The following UNC5C variants were observed in gnomAD, a reference collection of about 807,000 sequenced individuals.
UNC5C encodes netrin receptor UNC5C.
UNC5C carries 47 observed loss-of-function variants against 99.8 expected under a neutral mutation model. The observed-to-expected ratio is 0.47, with a 90% CI of 0.37 to 0.60. The LOEUF is 0.60. Among genes scored for constraint, UNC5C ranks in the 20% least tolerant of loss-of-function variants. UNC5C has a pLI of 0.00. For synonymous variants in UNC5C, 487 were observed against 452.2 expected, an observed-to-expected ratio of 1.08 and a Z score of -0.98; for missense variants, 1,062 against 1,165.9, an observed-to-expected ratio of 0.91 and a Z score of 1.30.
chr4:95,434,494 G>A lies in UNC5C; in HGVS notation c.125-98863C>T, dbSNP rs1746720024. ...AGGAAAAGACGGACTTGCCATTGAA[G>A]GTGGCCTCCAAGCTGAGGCTTGGAA... On this transcript the variant is annotated intron_variant, in intron 1 of 15. Coordinates refer to ENST00000453304, the MANE Select transcript of UNC5C (RefSeq NM_003728.4). Among the ~76,000 whole-genome samples the A allele has an allele frequency of 2.0e-5, 3 of 152,136 alleles. No individual in the cohort carries two copies. The South Asian group carries it at 6.2e-4, about 32-fold the overall frequency.
Position 95,245,038 on chromosome 4 carries a change from A to G in UNC5C, c.882T>C (p.Asn294=), listed in dbSNP as rs752459042. ...TCTGCCCTTCACAGAAGGCACCCCC[A>G]TTGAGTGGTGCCGGGTTGGTACAAG... ...TRTCTNPAPL[N]GGAFCEGQSV... Residue 294 remains asparagine, a synonymous_variant, in exon 6 of 16, where the codon AAT becomes AAC. Coordinates refer to ENST00000453304, the MANE Select transcript of UNC5C (RefSeq NM_003728.4). 6.2e-7 allele frequency: 1 copy of G among 1,613,978 alleles called. No homozygotes were observed. The highest frequency in any genetic ancestry group is 8.5e-7 in the Non-Finnish European group (1 of 1,179,970).
chr4:95,496,412 T>A (rs996092852), intron 1 of UNC5C, among the ~76,000 whole-genome samples: 7 of 151,842 alleles, frequency 4.6e-5, no homozygotes, highest in African/African-American at 1.7e-4. Flanking sequence ...TATAATGTAT[T>A]TTAAATATAT....
Position 95,245,014 on chromosome 4 carries a change from C to A in UNC5C, c.906G>T (p.Gln302His). The A allele has an allele frequency of 6.2e-7, 1 of 1,613,962 alleles. No homozygotes were observed. The highest frequency in any genetic ancestry group is 1.1e-5 in the South Asian group (1 of 91,014). Residue 302 changes from glutamine (Q) to histidine (H), a missense_variant, in exon 6 of 16, where the codon CAG (glutamine) becomes CAT (histidine). Gln to His is a conservative substitution (Grantham distance 24). Around this residue, in one of 3 missense-constraint regions of UNC5C, gnomAD observed 810 missense variants for 854.5 expected, o/e 0.95. Coordinates refer to ENST00000453304, the MANE Select transcript of UNC5C (RefSeq NM_003728.4). ...TAGTACAGGCTATTTTCTGCACACTCTGCCCTTCACAGAAGGCACCCCCAT... is the reference window on the plus strand; with the variant it reads ...TAGTACAGGCTATTTTCTGCACACTATGCCCTTCACAGAAGGCACCCCCAT... ...PLNGGAFCEG[Q>H]SVQKIACTTL...
intron 7 of UNC5C, among the ~76,000 whole-genome samples, chr4:95,230,617 G>T (rs1738878202): frequency 6.6e-6 from 1 of 151,896 alleles, no homozygotes; most frequent in South Asian, 2.1e-4. Flanking sequence ...GTTAATTTTT[G>T]TATAAGGTGT....
intron 3 of UNC5C, among the ~76,000 whole-genome samples, chr4:95,291,725 C>A (rs1177049701): frequency 6.6e-6 from 1 of 152,092 alleles, no homozygotes; most frequent in Non-Finnish European, 1.5e-5. Flanking sequence ...GATAATACAA[C>A]TGTCAAGATT....
At chr4:95,264,708 A>G (rs1740376712) in intron 4 of UNC5C, among the ~76,000 whole-genome samples, 1 of 152,136 alleles carries the variant, frequency 6.6e-6, no homozygotes, top group Admixed American at 6.5e-5. Context: ...CCATTTAGCC[A>G]TGTCTGGATT....
At position 95,167,808 on chromosome 4, in the gene UNC5C, G is replaced by A. The variant is rs1040729746; in HGVS notation, c.*1426C>T. 6.6e-6 allele frequency: 1 copy of A among 152,160 alleles called. No individual in the cohort carries two copies. Among genetic ancestry groups the A allele is most frequent in the Non-Finnish European group, 1.5e-5 (1 of 68,032 alleles). 9.4% of individuals were successfully genotyped at this position (152,160 alleles called of 1,614,324 possible). On this transcript the variant is annotated 3_prime_UTR_variant, in exon 16 of 16. Coordinates refer to ENST00000453304, the MANE Select transcript of UNC5C (RefSeq NM_003728.4). ...ACATAGCCTGGGCAAAAGACCAGCT[G>A]ATGATTTTTAAATGATGATCCAGGT...
chr4:95,399,330 A>G (rs1032330503), intron 1 of UNC5C, among the ~76,000 whole-genome samples: 2 of 152,146 alleles, frequency 1.3e-5, no homozygotes, highest in Non-Finnish European at 2.9e-5. Flanking sequence ...ACTGTCAACA[A>G]CTCCACAAAA....
chr4:95,288,950 TG>T (rs1741342109), intron 3 of UNC5C, among the ~76,000 whole-genome samples: 1 of 152,324 alleles, frequency 6.6e-6, no homozygotes, highest in African/African-American at 2.4e-5. Context: ...CTGATGCCTT[TG>T]GGGGTCATTA....
rs1303620042 is a variant in UNC5C at position 95,403,232 on chromosome 4, T to C, written c.125-67601A>G. Among the ~76,000 whole-genome samples the C allele has an allele frequency of 3.3e-5, 5 of 152,218 alleles. No individual in the cohort carries two copies. The East Asian group carries it at 5.8e-4, about 18-fold the overall frequency. ...CCATGAAATAAGCCTCTGAGTATTA[T>C]TGAAATCCCAAAGGCAGAAACTGGA... On this transcript the variant is annotated intron_variant, in intron 1 of 15. Transcript: ENST00000453304.
At chr4:95,267,965 T>TTTTTTTG (rs1740510462) in intron 4 of UNC5C, among the ~76,000 whole-genome samples, 2 of 149,682 alleles carry the variant, frequency 1.3e-5, no homozygotes, top group Non-Finnish European at 3.0e-5. Context: ...TTTTTTTTTT[T>TTTTTTTG]TTGAGACGGA....
chr4:95,330,777 A>AG (rs1743081193), intron 2 of UNC5C, among the ~76,000 whole-genome samples: 2 of 152,076 alleles, frequency 1.3e-5, no homozygotes, highest in Admixed American at 1.3e-4. Flanking sequence ...CCAATTAATA[A>AG]TGGTATCTGT....
chr4:95,225,125 C>T lies in UNC5C; in HGVS notation c.1109-4949G>A, dbSNP rs550581845. ...AGGCTGGAGTGCAATGGCACGATCT[C>T]GGCTCACTGCAACCTCCGCCTCCCG... On this transcript the variant is annotated intron_variant, in intron 7 of 15. Transcript: ENST00000453304. 1.1e-4 allele frequency among the ~76,000 whole-genome samples: 17 copies of T among 152,222 alleles called. 1 individual carries two copies. In the East Asian group the frequency reaches 2.9e-3, roughly 26 times the overall value.
chr4:95,491,838 A>C (rs1347131575), intron 1 of UNC5C, among the ~76,000 whole-genome samples: 1 of 151,598 alleles, frequency 6.6e-6, no homozygotes, highest in East Asian at 1.9e-4. Flanking sequence ...TCAAACAGAA[A>C]ATTCCATTTA....
chr4:95,290,027 G>A (rs183456528), intron 3 of UNC5C, among the ~76,000 whole-genome samples: 4 of 152,208 alleles, frequency 2.6e-5, no homozygotes, highest in African/African-American at 7.2e-5. Flanking sequence ...ATTGAAGCTC[G>A]GTGCAGTGGC....
At chr4:95,197,752 A>G (rs1011645871) in intron 12 of UNC5C, among the ~76,000 whole-genome samples, 3 of 152,206 alleles carry the variant, frequency 2.0e-5, no homozygotes, top group Admixed American at 6.5e-5. Context: ...TTGAGAGTAT[A>G]ATAGACCCAA....
At chr4:95,489,867 T>G (rs942756172) in intron 1 of UNC5C, among the ~76,000 whole-genome samples, 1 of 151,646 alleles carries the variant, frequency 6.6e-6, no homozygotes, top group Non-Finnish European at 1.5e-5. Context: ...ACTATGCAGA[T>G]GAGTGTATGA....
intron 9 of UNC5C, 87 bp from the exon 10 acceptor site, chr4:95,216,298 A>G (rs1182714235): frequency 3.1e-6 from 3 of 971,764 alleles, no homozygotes; most frequent in African/African-American, 3.3e-5. Context: ...CGCAGCCATA[A>G]GCCTGCTTCA....
chr4:95,247,259 A>G (rs1040931650), intron 5 of UNC5C, among the ~76,000 whole-genome samples: 4 of 152,070 alleles, frequency 2.6e-5, no homozygotes, highest in African/African-American at 9.7e-5. Context: ...CTGGTTAGAT[A>G]TATATGTTTT....
Sources: allele counts gnomAD v4.1 joint callset (sites outside exome capture counted in the v4.1 genomes callset), GRCh38; gene constraint gnomAD v4.1.1; regional missense constraint gnomAD v4.1.1; transcripts MANE v1.5; gene names NCBI Gene and HGNC (gene_info 2026-07-23, HGNC 2026-07-21).